SAMMSON: variants seen among roughly 807,000 people sequenced by gnomAD.
SAMMSON encodes the protein long intergenic non-protein coding RNA 1212.
chr3:70,020,466 G>A (rs892670261), intron 3 of SAMMSON, among the ~76,000 whole-genome samples: 2 of 152,126 alleles, frequency 1.3e-5, no homozygotes, highest in African/African-American at 2.4e-5. Context: ...TGGAGACTGT[G>A]GCATCTGTGG....
chr3:70,174,492 T>C (rs1700994984), intron 4 of SAMMSON, among the ~76,000 whole-genome samples: 1 of 151,964 alleles, frequency 6.6e-6, no homozygotes, highest in Non-Finnish European at 1.5e-5. Context: ...AGGCATAACG[T>C]AGAGATAAAG....
chr3:70,287,928 G>A (rs1306535654), intron 6 of SAMMSON, among the ~76,000 whole-genome samples: 24 of 152,068 alleles, frequency 1.6e-4, no homozygotes, highest in East Asian at 9.7e-4. Flanking sequence ...TTTTTATTGC[G>A]TCTATTTGAT....
chr3:70,222,606 C>T (rs947231316), intron 4 of SAMMSON, among the ~76,000 whole-genome samples: 3 of 151,942 alleles, frequency 2.0e-5, no homozygotes, highest in African/African-American at 7.3e-5. Context: ...ATAGAAATTC[C>T]AAAAGAATAA....
chr3:70,255,343 C>A (rs1701805889), intron 6 of SAMMSON, among the ~76,000 whole-genome samples: 1 of 152,070 alleles, frequency 6.6e-6, no homozygotes, highest in African/African-American at 2.4e-5. Context: ...ATAAAAGGAC[C>A]AAAGAAGAGG....
At chr3:70,079,874 C>T (rs2067261788) in intron 4 of SAMMSON, among the ~76,000 whole-genome samples, 1 of 152,302 alleles carries the variant, frequency 6.6e-6, no homozygotes, top group African/African-American at 2.4e-5. Context: ...CCCCCAGCTG[C>T]TGTGAGTGCT....
At chr3:70,043,644 T>C (rs1247676377) in intron 3 of SAMMSON, among the ~76,000 whole-genome samples, 1 of 152,090 alleles carries the variant, frequency 6.6e-6, no homozygotes, top group East Asian at 1.9e-4. Context: ...CCTGGGGTAG[T>C]TTTTAATTTT....
intron 2 of SAMMSON, among the ~76,000 whole-genome samples, chr3:70,414,420 T>A (rs1314705087): frequency 6.6e-6 from 1 of 152,136 alleles, no homozygotes; most frequent in Non-Finnish European, 1.5e-5. Context: ...TTTTCATAAA[T>A]AACCAACCTA....
chr3:70,144,261 A>G (rs555374730), intron 4 of SAMMSON, among the ~76,000 whole-genome samples: 14 of 152,122 alleles, frequency 9.2e-5, no homozygotes, highest in Non-Finnish European at 1.8e-4. Flanking sequence ...CCTTTCCATT[A>G]AACTTTTAAT....
chr3:70,295,840 A>G (rs189649661), intron 7 of SAMMSON, among the ~76,000 whole-genome samples: 3 of 152,294 alleles, frequency 2.0e-5, no homozygotes, highest in African/African-American at 7.2e-5. Flanking sequence ...CTTATTTTTT[A>G]TGAAGCTGAA....
intron 4 of SAMMSON, among the ~76,000 whole-genome samples, chr3:70,135,720 T>C (rs1225475095): frequency 1.3e-5 from 2 of 152,210 alleles, no homozygotes; most frequent in African/African-American, 2.4e-5. Context: ...TTTCCAAAAA[T>C]ATATTCTATA....
Position 70,091,518 on chromosome 3 carries a change from T to C in SAMMSON, n.507+19953T>C, listed in dbSNP as rs1429181263. Among the ~76,000 whole-genome samples, 7 of 152,212 alleles carry C rather than the reference T, an allele frequency of 4.6e-5. No homozygotes were observed. The East Asian group carries it at 1.3e-3, about 29-fold the overall frequency. On this transcript the variant is annotated intron_variant and non_coding_transcript_variant, in intron 4 of 9. Transcript: ENST00000642114. Reference sequence around the variant, plus strand: ...ATAATTCGAAGTAAAACTTTATCAGTAGGGACTGACTTCCTGTTGTTCACT... The same window carrying C: ...ATAATTCGAAGTAAAACTTTATCAGCAGGGACTGACTTCCTGTTGTTCACT...
chr3:70,000,998 C>A, intron 1 of SAMMSON, among the ~76,000 whole-genome samples: 1 of 152,012 alleles, frequency 6.6e-6, no homozygotes, highest in Non-Finnish European at 1.5e-5. Flanking sequence ...ACTGCAGGGA[C>A]GGGGAGCTTC....
downstream of SAMMSON, among the ~76,000 whole-genome samples, chr3:70,392,706 G>T (rs138664976): frequency 5.3e-5 from 8 of 152,208 alleles, no homozygotes; most frequent in East Asian, 1.5e-3. Flanking sequence ...CTTAATTCTG[G>T]CATCCCCATC....
intron 3 of SAMMSON, among the ~76,000 whole-genome samples, chr3:70,040,497 G>A (rs1321791669): frequency 1.3e-5 from 2 of 152,184 alleles, no homozygotes; most frequent in Non-Finnish European, 2.9e-5. Context: ...AGCACAGTGA[G>A]ATACTGTTCA....
chr3:70,311,997 T>C, intron 7 of SAMMSON: 1 of 397,650 alleles, frequency 2.5e-6, no homozygotes, highest in Non-Finnish European at 4.4e-6. Flanking sequence ...GAATTTGTGA[T>C]ATAAAAAATT....
intron 4 of SAMMSON, among the ~76,000 whole-genome samples, chr3:70,086,699 A>G (rs929473928): frequency 3.3e-5 from 5 of 152,228 alleles, no homozygotes; most frequent in African/African-American, 4.8e-5. Flanking sequence ...ATCTGGGGCT[A>G]CAGGGTTCTT....
chr3:70,195,361 G>A (rs1352211609), intron 4 of SAMMSON, among the ~76,000 whole-genome samples: 1 of 152,196 alleles, frequency 6.6e-6, no homozygotes, highest in East Asian at 1.9e-4. Flanking sequence ...TCATCAAACA[G>A]GAATGAAATC....
At chr3:70,304,428 T>G (rs1319366800) in intron 7 of SAMMSON, among the ~76,000 whole-genome samples, 1 of 152,212 alleles carries the variant, frequency 6.6e-6, no homozygotes, top group African/African-American at 2.4e-5. Flanking sequence ...TGGGGATACC[T>G]CAGAGGCATT....
chr3:70,243,473 C>T (rs1270750064), intron 4 of SAMMSON, among the ~76,000 whole-genome samples: 1 of 152,144 alleles, frequency 6.6e-6, no homozygotes, highest in Admixed American at 6.6e-5. Flanking sequence ...ACTCACTGCA[C>T]TGCTGCTGAA....
Sources: gnomAD v4.1 joint callset for allele counts (sites outside exome capture counted in the v4.1 genomes callset) on GRCh38, gnomAD v4.1.1 for gene constraint, MANE v1.5 for transcripts, NCBI Gene and HGNC (gene_info 2026-07-23, HGNC 2026-07-21) for gene names.